Variants in ASIC2 observed in about 807,000 individuals in gnomAD.
The protein encoded by ASIC2 is acid-sensing ion channel 2.
A neutral mutation model predicts 57.3 loss-of-function variants in ASIC2; 25 were observed. The observed-to-expected ratio is 0.44, with a 90% CI of 0.32 to 0.61. The LOEUF is 0.61. Ranked by LOEUF, ASIC2 falls within the 20% of genes least tolerant of loss-of-function variation. The pLI is 0.06. For missense variants in ASIC2, 641 were observed against 738.1 expected, an observed-to-expected ratio of 0.87 and a Z score of 1.52; for synonymous variants, 319 against 307.5, an observed-to-expected ratio of 1.04 and a Z score of -0.39.
At chr17:34,116,945 T>C (rs1405843817) in intron 1 of ASIC2, among the ~76,000 whole-genome samples, 2 of 152,090 alleles carry the variant, frequency 1.3e-5, no homozygotes, top group Admixed American at 6.6e-5. Context: ...GTTCAATGTG[T>C]GCACGGAAAT....
chr17:33,013,130 GAATA>G lies in ASIC2; in HGVS notation c.*831_*834del, dbSNP rs2091786663. The G allele has an allele frequency of 6.6e-6, 1 of 152,186 alleles. No homozygotes were observed. The highest frequency in any genetic ancestry group is 1.5e-5 in the Non-Finnish European group (1 of 68,002). The allele number at this position is 152,186 out of a possible 1,614,324, so 9.4% of individuals were successfully genotyped here. ...TTAATATGACTGTGATTTGAAGCAC[GAATA>G]AATAAATGCCAAAGAAAATGGAAAA... On this transcript the variant is annotated 3_prime_UTR_variant, in exon 10 of 10. Coordinates refer to ENST00000225823, the MANE Select transcript of ASIC2 (RefSeq NM_183377.2).
At chr17:33,583,525 A>T (rs1489491793) in intron 1 of ASIC2, among the ~76,000 whole-genome samples, 1 of 152,274 alleles carries the variant, frequency 6.6e-6, no homozygotes, top group East Asian at 1.9e-4. Context: ...TCCAGAACAG[A>T]GGAAGGGAGC....
intron 1 of ASIC2, among the ~76,000 whole-genome samples, chr17:34,079,415 C>A (rs576314734): frequency 6.6e-6 from 1 of 152,308 alleles, no homozygotes; most frequent in South Asian, 2.1e-4. Context: ...TCCTCCTCAC[C>A]TTTTAAGTCT....
At chr17:33,458,437 G>A (rs1912526058) in intron 1 of ASIC2, among the ~76,000 whole-genome samples, 1 of 151,908 alleles carries the variant, frequency 6.6e-6, no homozygotes, top group Non-Finnish European at 1.5e-5. Context: ...ATGTTTGACT[G>A]GGGAGCCAGG....
chr17:33,898,768 T>C (rs1467751053), intron 1 of ASIC2, among the ~76,000 whole-genome samples: 2 of 152,242 alleles, frequency 1.3e-5, no homozygotes, highest in African/African-American at 2.4e-5. Context: ...TTGTCTTTCA[T>C]GATCTTGGCA....
chr17:33,859,979 G>A (rs1008247612), intron 1 of ASIC2, among the ~76,000 whole-genome samples: 15 of 152,118 alleles, frequency 9.9e-5, no homozygotes, highest in Admixed American at 4.6e-4. Flanking sequence ...ACACCACACC[G>A]AGCAGCCTTT....
chr17:33,384,056 G>A (rs540035153), intron 1 of ASIC2, among the ~76,000 whole-genome samples: 1 of 152,146 alleles, frequency 6.6e-6, no homozygotes, highest in Non-Finnish European at 1.5e-5. Context: ...CCTGGACTTG[G>A]CTGTTGTCTG....
intron 1 of ASIC2, among the ~76,000 whole-genome samples, chr17:33,559,280 T>C (rs1226241567): frequency 6.6e-6 from 1 of 152,150 alleles, no homozygotes; most frequent in East Asian, 1.9e-4. Flanking sequence ...ACCACAAAGA[T>C]ATCTGGGGCC....
chr17:33,156,271 G>T (rs895597543), intron 1 of ASIC2, among the ~76,000 whole-genome samples: 2 of 151,590 alleles, frequency 1.3e-5, no homozygotes, highest in African/African-American at 4.8e-5. Context: ...GGGATTACAG[G>T]CACCTGCCAC....
At chr17:33,318,011 G>A (rs1197555786) in intron 1 of ASIC2, among the ~76,000 whole-genome samples, 2 of 151,806 alleles carry the variant, frequency 1.3e-5, no homozygotes, top group Non-Finnish European at 2.9e-5. Flanking sequence ...TCCAGCATAA[G>A]CAAAGTCACC....
At chr17:33,037,528 A>G (rs181853167) in intron 3 of ASIC2, among the ~76,000 whole-genome samples, 1 of 151,804 alleles carries the variant, frequency 6.6e-6, no homozygotes, top group Non-Finnish European at 1.5e-5. Flanking sequence ...CTGTGTGCAC[A>G]GCACCGACTC....
chr17:33,317,479 A>G (rs1018218709), intron 1 of ASIC2, among the ~76,000 whole-genome samples: 6 of 152,168 alleles, frequency 3.9e-5, no homozygotes, highest in Non-Finnish European at 7.3e-5. Flanking sequence ...TTCACTTTGT[A>G]TTTTCAAAGC....
intron 3 of ASIC2, among the ~76,000 whole-genome samples, chr17:33,032,599 C>T (rs1029834730): frequency 2.0e-5 from 3 of 152,054 alleles, no homozygotes; most frequent in Admixed American, 1.3e-4. Context: ...CAGGGATGCA[C>T]CACCATGCCC....
At chr17:33,691,155 T>C (rs1400119942) in intron 1 of ASIC2, among the ~76,000 whole-genome samples, 4 of 152,250 alleles carry the variant, frequency 2.6e-5, no homozygotes, top group Admixed American at 1.3e-4. Flanking sequence ...TTCCAAACTT[T>C]TGTTGTTAAA....
intron 1 of ASIC2, among the ~76,000 whole-genome samples, chr17:33,684,964 T>G (rs1908134968): frequency 6.6e-6 from 1 of 152,156 alleles, no homozygotes; most frequent in Non-Finnish European, 1.5e-5. Context: ...CAGATGTAAG[T>G]GGAGCTGTCA....
chr17:33,891,692 C>T (rs1262694444), intron 1 of ASIC2, among the ~76,000 whole-genome samples: 4 of 152,178 alleles, frequency 2.6e-5, no homozygotes, highest in African/African-American at 7.2e-5. Flanking sequence ...CCACCTCTAA[C>T]AAGATGTTAA....
chr17:33,710,908 G>T (rs1310027247), intron 1 of ASIC2, among the ~76,000 whole-genome samples: 17 of 152,124 alleles, frequency 1.1e-4, no homozygotes, highest in African/African-American at 4.1e-4. Flanking sequence ...TTGTTAAAAA[G>T]CAGTAGTTTG....
At chr17:33,123,429 T>C (rs1210123339) in intron 1 of ASIC2, among the ~76,000 whole-genome samples, 1 of 152,190 alleles carries the variant, frequency 6.6e-6, no homozygotes, top group Non-Finnish European at 1.5e-5. Context: ...CTCACTTATA[T>C]ATGTGGAATC....
chr17:34,071,840 A>AG (rs911889937), intron 1 of ASIC2: 2 of 144,862 alleles, frequency 1.4e-5, no homozygotes, highest in African/African-American at 5.1e-5. Flanking sequence ...AAAAAAAAAA[A>AG]TCATTAAGTA....
Sources: gnomAD v4.1 joint callset for allele counts (sites outside exome capture counted in the v4.1 genomes callset) on GRCh38, gnomAD v4.1.1 for gene constraint, MANE v1.5 for transcripts, NCBI Gene and HGNC (gene_info 2026-07-23, HGNC 2026-07-21) for gene names.